AMBRA1: variants seen among roughly 807,000 people sequenced by gnomAD.
The protein encoded by AMBRA1 is activating molecule in BECN1-regulated autophagy protein 1.
AMBRA1 carries 47 observed loss-of-function variants against 125.4 expected under a neutral mutation model. The observed-to-expected ratio is 0.37, with a 90% CI of 0.30 to 0.48. The LOEUF is 0.48. AMBRA1 is among the 20% of genes least tolerant of loss of function. The pLI, the probability that AMBRA1 is intolerant of heterozygous loss-of-function variation, is 0.99. For synonymous variants in AMBRA1, 626 were observed against 655.5 expected (o/e 0.95, Z 0.69); for missense variants, 1,331 against 1,693.4 (o/e 0.79, Z 3.76).
At chr11:46,510,985 C>CA (rs894638577) in intron 8 of AMBRA1, among the ~76,000 whole-genome samples, 7 of 152,078 alleles carry the variant, frequency 4.6e-5, no homozygotes, top group East Asian at 3.9e-4. Context: ...CTTCCTTTTC[C>CA]AAAAAAACCT....
intron 9 of AMBRA1, 150 bp downstream of exon 9, chr11:46,508,041 C>T (rs1317340342): frequency 1.2e-6 from 1 of 846,240 alleles, no homozygotes; most frequent in East Asian, 2.7e-5. Context: ...CATCTTAACC[C>T]TCTGTCCCTC....
chr11:46,410,134 CTG>C lies in AMBRA1; in HGVS notation c.3209+140_3209+141del, dbSNP rs536301295. On this transcript the variant is annotated intron_variant, in intron 16 of 17. Coordinates refer to ENST00000683756, the MANE Select transcript of AMBRA1 (RefSeq NM_001387011.1). ...CACACAACACTTTTCTCAAATGAAA[CTG>C]TACACAAAAGATCAAGGAGGTGCTG... 5.3e-5 allele frequency: 38 copies of C among 713,848 alleles called. No individual in the cohort carries two copies. The South Asian group carries it at 5.5e-4, about 10-fold the overall frequency. The allele number at this position is 713,848 out of a possible 1,614,324, so 44.2% of individuals were successfully genotyped here. A position where few individuals can be genotyped will look rare whatever the true frequency, so the allele number is the denominator to read the frequency against.
At chr11:46,477,498 G>T (rs79751353) in intron 11 of AMBRA1, among the ~76,000 whole-genome samples, 5 of 141,114 alleles carry the variant, frequency 3.5e-5, no homozygotes, top group Non-Finnish European at 6.2e-5. Context: ...GCTAATTTCT[G>T]GAAAAAAAAA....
intron 7 of AMBRA1, among the ~76,000 whole-genome samples, chr11:46,517,221 C>A (rs1474521381): frequency 2.1e-5 from 3 of 145,696 alleles, no homozygotes; most frequent in African/African-American, 7.7e-5. Flanking sequence ...AATCTCGGCT[C>A]ACTGCAACCT....
At chr11:46,564,175 A>G (rs916436611) in intron 1 of AMBRA1, among the ~76,000 whole-genome samples, 1 of 151,386 alleles carries the variant, frequency 6.6e-6, no homozygotes, top group Non-Finnish European at 1.5e-5. Context: ...CGTAAGAGCA[A>G]TCTTAAAGCC....
At position 46,408,383 on chromosome 11, in the gene AMBRA1, A is replaced by G. The variant is rs540884910; in HGVS notation, c.3403+130T>C. On this transcript the variant is annotated intron_variant, in intron 17 of 17. Coordinates refer to ENST00000683756, the MANE Select transcript of AMBRA1 (RefSeq NM_001387011.1). ...GCTCAGGGAAACCATGTCGCTGCTGAGGAGGCTCTTAATGCCACCAGGTGG... is the reference window on the plus strand; with the variant it reads ...GCTCAGGGAAACCATGTCGCTGCTGGGGAGGCTCTTAATGCCACCAGGTGG... The G allele has an allele frequency of 4.3e-5, 42 of 972,934 alleles. No individual in the cohort carries two copies. In the African/African-American group the frequency reaches 6.5e-4, roughly 15 times the overall value. 60.3% of individuals were successfully genotyped at this position (972,934 alleles called of 1,614,324 possible). A position where few individuals can be genotyped will look rare whatever the true frequency, so the allele number is the denominator to read the frequency against.
intron 7 of AMBRA1, among the ~76,000 whole-genome samples, chr11:46,539,732 T>C (rs548197790): frequency 2.0e-5 from 3 of 152,332 alleles, no homozygotes; most frequent in Admixed American, 6.5e-5. Context: ...GAAAATTGAA[T>C]ACCTGACTTG....
Position 46,504,130 on chromosome 11 carries a change from C to T in AMBRA1, c.2339+4061G>A, listed in dbSNP as rs546867330. On this transcript the variant is annotated intron_variant, in intron 9 of 17. Transcript: ENST00000683756. ...TTAGCAAAGCCTTTGCTACAGTATC[C>T]CTTTGCCTCAGAAAGCAAAGCAGCT... 2.0e-5 allele frequency among the ~76,000 whole-genome samples: 3 copies of T among 152,278 alleles called. No homozygotes were observed. In the South Asian group the frequency reaches 6.2e-4, roughly 32 times the overall value.
At position 46,397,797 on chromosome 11, in the gene AMBRA1, C is replaced by T. The variant is rs1452451346; in HGVS notation, c.3550G>A (p.Val1184Ile). The T allele has an allele frequency of 3.7e-6, 6 of 1,609,640 alleles. No homozygotes were observed. Among genetic ancestry groups the T allele is most frequent in the Non-Finnish European group, 4.2e-6 (5 of 1,179,994 alleles). Residue 1184 changes from valine to isoleucine, a missense_variant, in exon 18 of 18, where the codon GTC becomes ATC. Transcript: ENST00000683756. ...SMGGFGNNII[V>I]SHRIHRSSQT... ...GAGCTGCGGTGAATGCGGTGGCTGA[C>T]GATGATGTTGTTGCCGAAGCCGCCC... is the stretch of plus-strand genomic sequence containing the variant.
chr11:46,428,876 G>T, intron 14 of AMBRA1: 1 of 1,611,788 alleles, frequency 6.2e-7, no homozygotes, highest in African/African-American at 1.3e-5. Flanking sequence ...GCGTAGGATG[G>T]CAGGCACAAT....
At chr11:46,433,406 G>A in intron 14 of AMBRA1, 68 bp downstream of exon 14, 2 of 1,560,614 alleles carry the variant, frequency 1.3e-6, no homozygotes, top group Non-Finnish European at 1.7e-6. Flanking sequence ...TCACACCACT[G>A]TCCCCTCATT....
intron 1 of AMBRA1, among the ~76,000 whole-genome samples, chr11:46,557,091 G>A (rs1291490440): frequency 2.7e-5 from 4 of 148,584 alleles, no homozygotes; most frequent in South Asian, 2.1e-4. Flanking sequence ...AGCAGAGATC[G>A]TGCCATTGTA....
chr11:46,499,203 A>G (rs1950743710), intron 9 of AMBRA1, among the ~76,000 whole-genome samples: 2 of 152,200 alleles, frequency 1.3e-5, no homozygotes, highest in African/African-American at 4.8e-5. Context: ...TCATCTGCCT[A>G]CATTATGCAA....
At chr11:46,429,232 A>G (rs1947330349) in intron 14 of AMBRA1, 1 of 1,152,908 alleles carries the variant, frequency 8.7e-7, no homozygotes, top group African/African-American at 1.5e-5. Flanking sequence ...CCCCTACCCC[A>G]TAAAATAAGC....
chr11:46,570,450 T>C (rs942835769), intron 1 of AMBRA1, among the ~76,000 whole-genome samples: 2 of 152,022 alleles, frequency 1.3e-5, no homozygotes, highest in African/African-American at 2.4e-5. Flanking sequence ...CAAAATTACA[T>C]TCCTTCTTCA....
intron 17 of AMBRA1, among the ~76,000 whole-genome samples, chr11:46,403,399 A>T (rs1469755203): frequency 1.3e-5 from 2 of 152,234 alleles, no homozygotes; most frequent in East Asian, 3.9e-4. Context: ...AGAGGCTCAG[A>T]TGACCTTTGC....
intron 1 of AMBRA1, among the ~76,000 whole-genome samples, chr11:46,593,072 T>A (rs753948821): frequency 6.6e-6 from 1 of 152,200 alleles, no homozygotes; most frequent in Non-Finnish European, 1.5e-5. Flanking sequence ...CTAGTTAAAA[T>A]GATACAGACT....
At chr11:46,497,800 C>G (rs1353041501) in intron 9 of AMBRA1, among the ~76,000 whole-genome samples, 2 of 152,006 alleles carry the variant, frequency 1.3e-5, no homozygotes, top group Non-Finnish European at 1.5e-5. Flanking sequence ...AGGCACAGTT[C>G]CAAATAACTA....
chr11:46,576,788 A>G (rs185296135), intron 1 of AMBRA1, among the ~76,000 whole-genome samples: 53 of 152,354 alleles, frequency 3.5e-4, no homozygotes, highest in Admixed American at 3.0e-3. Flanking sequence ...TAAATGCAAC[A>G]TGGCTTTATA....
Sources: allele counts gnomAD v4.1 joint callset (sites outside exome capture counted in the v4.1 genomes callset), GRCh38; gene constraint gnomAD v4.1.1; transcripts MANE v1.5; gene names NCBI Gene and HGNC (gene_info 2026-07-23, HGNC 2026-07-21).